Variants in AGTPBP1 observed in about 807,000 individuals in gnomAD.
AGTPBP1 encodes cytosolic carboxypeptidase 1.
A neutral mutation model predicts 143.9 loss-of-function variants in AGTPBP1; 70 were observed. That is an observed-to-expected ratio of 0.49 (90% CI 0.40 to 0.59). The LOEUF (loss-of-function observed/expected upper bound fraction) is 0.59, where lower values mean the gene tolerates loss of function less well. Ranked by LOEUF, AGTPBP1 falls within the 20% of genes least tolerant of loss-of-function variation. The pLI is 0.00. For missense variants in AGTPBP1, 1,229 were observed against 1,464.5 expected (o/e 0.84, Z 2.62); for synonymous variants, 463 against 500.2 (o/e 0.93, Z 0.99).
chr9:85,672,434 A>T, intron 7 of AGTPBP1, 116 bp downstream of exon 7: 2 of 1,227,006 alleles, frequency 1.6e-6, no homozygotes, highest in Non-Finnish European at 2.3e-6. Context: ...GAGCCATATT[A>T]AATCTTCTCT....
intron 7 of AGTPBP1, 69 bp downstream of exon 7, chr9:85,672,481 G>C: frequency 6.6e-7 from 1 of 1,507,136 alleles, no homozygotes; most frequent in Non-Finnish European, 9.0e-7. Flanking sequence ...TACAGAATCA[G>C]GATACTTTAA....
intron 3 of AGTPBP1, among the ~76,000 whole-genome samples, chr9:85,685,339 AT>A (rs1365362765): frequency 1.3e-5 from 2 of 151,940 alleles, no homozygotes; most frequent in South Asian, 2.1e-4. Flanking sequence ...ATCCAAAAAA[AT>A]AAATAAATAA....
At chr9:85,718,312 A>T (rs551594463) in intron 1 of AGTPBP1, among the ~76,000 whole-genome samples, 2 of 152,310 alleles carry the variant, frequency 1.3e-5, no homozygotes, top group Admixed American at 1.3e-4. Flanking sequence ...CTATTTCTCC[A>T]CATCCTCTCC....
intron 1 of AGTPBP1, among the ~76,000 whole-genome samples, chr9:85,714,583 T>C (rs1837582101): frequency 6.6e-6 from 1 of 152,214 alleles, no homozygotes; most frequent in Non-Finnish European, 1.5e-5. Flanking sequence ...ATTTTCATTA[T>C]GGTTGAAAAA....
intron 1 of AGTPBP1, among the ~76,000 whole-genome samples, chr9:85,731,462 T>G (rs530300600): frequency 9.9e-5 from 15 of 152,092 alleles, no homozygotes; most frequent in Middle Eastern, 3.4e-3. Flanking sequence ...TTGTGTGTGT[T>G]TGTTTGTTTG....
intron 19 of AGTPBP1, among the ~76,000 whole-genome samples, chr9:85,590,771 G>A (rs558066171): frequency 2.1e-4 from 32 of 152,260 alleles, no homozygotes; most frequent in African/African-American, 7.7e-4. Context: ...ACTGCAGGCA[G>A]AGGGAAAAAT....
chr9:85,581,200 G>A (rs138736054), intron 23 of AGTPBP1, among the ~76,000 whole-genome samples: 117 of 152,266 alleles, frequency 7.7e-4, no homozygotes, highest in African/African-American at 2.8e-3. Context: ...AATGTCTTTT[G>A]GAAAATAACC....
rs888942587 is a variant in AGTPBP1 at position 85,667,500 on chromosome 9, G to C, written c.662+1985C>G. ...AAATAACAGATACAGGCAGTGTCAT[G>C]AATGACTGCTAAATCACTAAGTGAA... is the stretch of plus-strand genomic sequence containing the variant. On this transcript the variant is annotated intron_variant, in intron 8 of 25. Transcript: ENST00000357081. Among the ~76,000 whole-genome samples, 3 of 152,248 alleles carry C rather than the reference G, an allele frequency of 2.0e-5. No individual in the cohort carries two copies. In the South Asian group the frequency reaches 6.2e-4, roughly 32 times the overall value.
Position 85,547,093 on chromosome 9 carries a change from A to G in AGTPBP1, c.*16T>C. 2 of 1,587,392 alleles carry G rather than the reference A, an allele frequency of 1.3e-6. No homozygotes were observed. The highest frequency in any genetic ancestry group is 1.7e-6 in the Non-Finnish European group (2 of 1,169,966). On this transcript the variant is annotated 3_prime_UTR_variant, in exon 26 of 26. Coordinates refer to ENST00000357081, the MANE Select transcript of AGTPBP1 (RefSeq NM_001330701.2). The stretch of plus-strand genomic sequence containing the variant: ...TTTCATTTATTCTTTGCAGTTAACA[A>G]GAGATGGCAGCGGGCTCAAGGTAGG...
intron 19 of AGTPBP1, among the ~76,000 whole-genome samples, chr9:85,590,079 C>A (rs1828860240): frequency 6.6e-6 from 1 of 151,966 alleles, no homozygotes; most frequent in Admixed American, 6.6e-5. Context: ...TGATAATAGA[C>A]CTGTAACAGC....
chr9:85,726,056 CAAAAAAAAAAAAAAAA>C (rs948203314), intron 1 of AGTPBP1, among the ~76,000 whole-genome samples: 5 of 40,806 alleles, frequency 1.2e-4, no homozygotes, highest in Non-Finnish European at 2.3e-4. Context: ...GACTCCATCT[CAAAAAAAAAAAAAAAA>C]AAAAAAAAAA....
At chr9:85,611,139 T>C (rs1830287769) in intron 17 of AGTPBP1, among the ~76,000 whole-genome samples, 1 of 146,954 alleles carries the variant, frequency 6.8e-6, no homozygotes, top group Admixed American at 7.0e-5. Context: ...CTGTATCTTG[T>C]GGTTTAGGGG....
the AGTPBP1 span, among the ~76,000 whole-genome samples, chr9:85,801,377 G>C: frequency 1.3e-5 from 2 of 152,182 alleles, no homozygotes; most frequent in African/African-American, 4.8e-5. Context: ...GGGTATATGA[G>C]ATGTTCTGAT....
chr9:85,557,303 C>T (rs1826412789), intron 25 of AGTPBP1, among the ~76,000 whole-genome samples: 1 of 152,172 alleles, frequency 6.6e-6, no homozygotes, highest in African/African-American at 2.4e-5. Flanking sequence ...CCGAGGTGCT[C>T]ACATCAGTCC....
At chr9:85,640,143 T>C (rs1459105346) in intron 13 of AGTPBP1, among the ~76,000 whole-genome samples, 1 of 152,244 alleles carries the variant, frequency 6.6e-6, no homozygotes, top group Non-Finnish European at 1.5e-5. Context: ...CAAAGATAGC[T>C]GAAGAAAATT....
the AGTPBP1 span, among the ~76,000 whole-genome samples, chr9:85,761,519 G>A: frequency 6.6e-6 from 1 of 152,200 alleles, no homozygotes; most frequent in African/African-American, 2.4e-5. Context: ...AACGAGAAAT[G>A]GGGAAAGGAT....
intron 25 of AGTPBP1, among the ~76,000 whole-genome samples, chr9:85,554,873 A>G (rs558638696): frequency 1.9e-4 from 29 of 152,332 alleles, no homozygotes; most frequent in African/African-American, 7.0e-4. Context: ...CTATTAATCT[A>G]TTTAAAGAGA....
At chr9:85,597,867 T>C (rs1829400183) in intron 17 of AGTPBP1, among the ~76,000 whole-genome samples, 1 of 152,162 alleles carries the variant, frequency 6.6e-6, no homozygotes, top group Non-Finnish European at 1.5e-5. Flanking sequence ...ACTATGTGAC[T>C]AAGTTAGCTA....
At chr9:85,772,733 GAC>G in the AGTPBP1 span, among the ~76,000 whole-genome samples, 1 of 152,050 alleles carries the variant, frequency 6.6e-6, no homozygotes, top group Non-Finnish European at 1.5e-5. Flanking sequence ...AACCTGAGGT[GAC>G]AGAGTGAGAC....
Sources: allele counts gnomAD v4.1 joint callset (sites outside exome capture counted in the v4.1 genomes callset), GRCh38; gene constraint gnomAD v4.1.1; transcripts MANE v1.5; gene names NCBI Gene and HGNC (gene_info 2026-07-23, HGNC 2026-07-21).